The following FSIP1 variants were observed in gnomAD, a reference collection of about 807,000 sequenced individuals.
FSIP1 encodes the protein fibrous sheath interacting protein 1.
In FSIP1, 65 loss-of-function variants were observed where a neutral mutation model predicts 60.9. The observed-to-expected ratio is 1.07, with a 90% CI of 0.87 to 1.31. The LOEUF (loss-of-function observed/expected upper bound fraction) is 1.31. Among genes scored for constraint, FSIP1 ranks in the 40% most tolerant of loss-of-function variants. The probability of loss-of-function intolerance (pLI) is 0.00; values close to 1 mark genes in which losing one functional copy is unlikely to be tolerated. For missense variants in FSIP1, 675 were observed against 665.5 expected (o/e 1.01, Z -0.16); for synonymous variants, 209 against 221.2 (o/e 0.94, Z 0.49).
chr15:39,670,119 T>C (rs533255586), intron 10 of FSIP1, among the ~76,000 whole-genome samples: 2 of 152,344 alleles, frequency 1.3e-5, no homozygotes, highest in East Asian at 1.9e-4. Context: ...TTTAAAACAT[T>C]ACATGGATAG....
At chr15:39,597,952 T>C (rs574937582), downstream of FSIP1, 1 of 152,204 alleles carries the variant, frequency 6.6e-6, no homozygotes. Flanking sequence ...CCTTGCAATG[T>C]TGAGCCAAGC....
chr15:39,633,091 CTTT>C (rs869063502), intron 10 of FSIP1, among the ~76,000 whole-genome samples: 4 of 112,866 alleles, frequency 3.5e-5, no homozygotes, highest in Non-Finnish European at 6.9e-5. Flanking sequence ...GGCTATACTT[CTTT>C]TTTTTTTTTT....
chr15:39,686,516 A>G (rs1050945099), intron 10 of FSIP1, among the ~76,000 whole-genome samples: 1 of 152,254 alleles, frequency 6.6e-6, no homozygotes. Context: ...TAGAACTGAG[A>G]TAAATTTGTA....
chr15:39,741,491 C>A (rs1346258454), intron 6 of FSIP1, among the ~76,000 whole-genome samples: 1 of 152,198 alleles, frequency 6.6e-6, no homozygotes, highest in East Asian at 1.9e-4. Context: ...TCTTGGGAAC[C>A]AAAGAAAGCT....
rs76042935 is a variant in FSIP1, at chr15:39,709,179, C to G, written c.1188+4265G>C. 7.7e-3 allele frequency among the ~76,000 whole-genome samples: 1,169 copies of G among 152,322 alleles called. 56 individuals carry two copies. Among genetic ancestry groups the G allele is most frequent in the East Asian group, 3.7e-3 (19 of 5,182 alleles). ...GGTTCCTATACTGCCCCTTAGCTCA[C>G]TCTTTCTTCTCCCATCGCTAAAACA... On this transcript the variant is annotated intron_variant, in intron 10 of 11. Transcript: ENST00000350221.
At position 39,717,931 on chromosome 15, in the gene FSIP1, G is replaced by A. The variant is rs143628216; in HGVS notation, c.1051-4350C>T. The stretch of plus-strand genomic sequence containing the variant: ...AAACAGAGTTAGGAAACTAATTACC[G>A]CTCAAGCGCTCACGCTGAGGGGGCT... On this transcript the variant is annotated intron_variant, in intron 9 of 11. Transcript: ENST00000350221. Among the ~76,000 whole-genome samples, 350 of 152,272 alleles carry A rather than the reference G, an allele frequency of 2.3e-3. 4 individuals carry two copies. The highest frequency in any genetic ancestry group is 2.7e-3 in the Non-Finnish European group (185 of 68,020).
intron 10 of FSIP1, among the ~76,000 whole-genome samples, chr15:39,663,149 T>G (rs1893365144): frequency 6.6e-6 from 1 of 152,206 alleles, no homozygotes; most frequent in Non-Finnish European, 1.5e-5. Flanking sequence ...CTATTATTGT[T>G]GTTTTCAAAT....
At chr15:39,747,013 C>CTCCTTCCCTCCTTCCCTCCTTCCA (rs1304229260) in intron 5 of FSIP1, among the ~76,000 whole-genome samples, 5 of 133,300 alleles carry the variant, frequency 3.8e-5, no homozygotes, top group African/African-American at 1.1e-4. Context: ...CCCTCCTTCC[C>CTCCTTCCCTCCTTCCCTCCTTCCA]TCCTTCCCTC....
intron 10 of FSIP1, among the ~76,000 whole-genome samples, chr15:39,664,919 TTCC>T (rs1893437390): frequency 6.6e-6 from 1 of 152,194 alleles, no homozygotes; most frequent in African/African-American, 2.4e-5. Flanking sequence ...ATGTAGCTAT[TTCC>T]TCCCACTAGA....
At chr15:39,742,291 C>T (rs548231625) in intron 5 of FSIP1, among the ~76,000 whole-genome samples, 9 of 152,092 alleles carry the variant, frequency 5.9e-5, no homozygotes, top group African/African-American at 2.2e-4. Context: ...ATTTTAGGTC[C>T]CCAAGGTGGA....
chr15:39,683,887 A>G (rs1894261959), intron 10 of FSIP1, among the ~76,000 whole-genome samples: 1 of 152,254 alleles, frequency 6.6e-6, no homozygotes, highest in African/African-American at 2.4e-5. Context: ...CAAAAAGCAC[A>G]TACAGGATCT....
At chr15:39,642,127 T>C (rs111447491) in intron 10 of FSIP1, among the ~76,000 whole-genome samples, 31 of 152,308 alleles carry the variant, frequency 2.0e-4, no homozygotes, top group African/African-American at 7.2e-4. Flanking sequence ...ATGACTCATA[T>C]TATTATAATA....
rs115007077 is a variant in FSIP1, at chr15:39,700,918, G to A, written c.1188+12526C>T. ...TGTAATCCCAGCACTTGGGGAGGCC[G>A]AGACAGGCAGACTGCTTGAGCCCAC... On this transcript the variant is annotated intron_variant, in intron 10 of 11. Transcript: ENST00000350221. Among the ~76,000 whole-genome samples the A allele has an allele frequency of 3.4e-3, 513 of 152,258 alleles. 3 individuals carry two copies. Among genetic ancestry groups the A allele is most frequent in the African/African-American group, 0.012 (479 of 41,542 alleles).
chr15:39,696,951 TG>T (rs1413848601), intron 10 of FSIP1, among the ~76,000 whole-genome samples: 1 of 144,522 alleles, frequency 6.9e-6, no homozygotes, highest in Non-Finnish European at 1.5e-5. Context: ...GGTAAGCATT[TG>T]GGGTATGTGT....
intron 10 of FSIP1, among the ~76,000 whole-genome samples, chr15:39,650,503 C>A (rs994507425): frequency 6.6e-6 from 1 of 152,120 alleles, no homozygotes; most frequent in Non-Finnish European, 1.5e-5. Context: ...CTGTCTCAAC[C>A]CTTGGGGAAA....
chr15:39,763,990 C>A, intron 4 of FSIP1, 76 bp from the exon 5 acceptor site: 3 of 784,026 alleles, frequency 3.8e-6, no homozygotes, highest in Non-Finnish European at 4.4e-6. Context: ...AACTCCAACA[C>A]GGCTCCCAAT....
At chr15:39,765,432 T>G (rs1291334739) in intron 4 of FSIP1, among the ~76,000 whole-genome samples, 160 bp downstream of exon 4, 1 of 151,716 alleles carries the variant, frequency 6.6e-6, no homozygotes, top group Admixed American at 6.6e-5. Flanking sequence ...TTTGTACAGA[T>G]GGGGTCTCTT....
intron 10 of FSIP1, among the ~76,000 whole-genome samples, chr15:39,619,625 T>C (rs1891369796): frequency 6.6e-6 from 1 of 152,206 alleles, no homozygotes; most frequent in Non-Finnish European, 1.5e-5. Context: ...TTTATCCATC[T>C]GTATCCAGAA....
chr15:39,740,102 G>A (rs1450415654), intron 6 of FSIP1, among the ~76,000 whole-genome samples: 1 of 152,210 alleles, frequency 6.6e-6, no homozygotes, highest in Non-Finnish European at 1.5e-5. Flanking sequence ...ATGAGAAGAA[G>A]AAATCGCTGA....
Sources: gnomAD v4.1 joint callset for allele counts (sites outside exome capture counted in the v4.1 genomes callset) on GRCh38, gnomAD v4.1.1 for gene constraint, MANE v1.5 for transcripts, NCBI Gene and HGNC (gene_info 2026-07-23, HGNC 2026-07-21) for gene names.